HYDIN: variants seen among roughly 807,000 people sequenced by gnomAD.
HYDIN encodes the protein axonemal central pair apparatus protein HYDIN.
A neutral mutation model predicts 403.9 loss-of-function variants in HYDIN; 132 were observed. The observed-to-expected ratio is 0.33, with a 90% CI of 0.28 to 0.38. The LOEUF (loss-of-function observed/expected upper bound fraction) is 0.38. Among genes scored for constraint, HYDIN ranks in the 10% least tolerant of loss-of-function variants. The pLI, the probability that HYDIN is intolerant of heterozygous loss-of-function variation, is 1.00. For missense variants in HYDIN, 2,827 were observed against 5,009.5 expected (o/e 0.56, Z 13.15); for synonymous variants, 1,202 against 1,891.7 (o/e 0.64, Z 9.46).
At chr16:70,932,398 T>A (rs909317724) in intron 45 of HYDIN, among the ~76,000 whole-genome samples, 4 of 151,958 alleles carry the variant, frequency 2.6e-5, no homozygotes, top group African/African-American at 7.2e-5. Flanking sequence ...TACCCACACA[T>A]AAAACAAATA....
chr16:70,872,017 G>C lies in HYDIN; in HGVS notation c.11091+20C>G. 1 of 1,609,602 alleles carries C rather than the reference G, an allele frequency of 6.2e-7. No individual in the cohort carries two copies. The highest frequency in any genetic ancestry group is 1.7e-4 in the Middle Eastern group (1 of 6,048). The stretch of plus-strand genomic sequence containing the variant: ...TTAGGACTAAGGGATTCCAAAAAAT[G>C]ATGAATGACTTTTATTTACCTGTGG... On this transcript the variant is annotated intron_variant, in intron 65 of 85. Transcript: ENST00000393567.
chr16:71,215,957 G>A (rs188666093), intron 1 of HYDIN, among the ~76,000 whole-genome samples: 8 of 152,298 alleles, frequency 5.3e-5, no homozygotes, highest in African/African-American at 1.7e-4. Flanking sequence ...GGCAAAATCT[G>A]AGTCTGATAA....
intron 83 of HYDIN, among the ~76,000 whole-genome samples, chr16:70,819,974 ATTTTTT>A (rs56879257): frequency 8.1e-6 from 1 of 123,216 alleles, no homozygotes; most frequent in South Asian, 2.5e-4. Context: ...CGCCTGGCTA[ATTTTTT>A]TTTTTTTTTT....
chr16:70,819,103 C>T (rs1293762387), intron 83 of HYDIN, among the ~76,000 whole-genome samples: 2 of 150,904 alleles, frequency 1.3e-5, no homozygotes, highest in African/African-American at 2.5e-5. Flanking sequence ...TTAGTAGAGA[C>T]GGGGTTTCAT....
Position 71,194,131 on chromosome 16 carries a change from G to A in HYDIN, c.-23-7213C>T, listed in dbSNP as rs149956084. ...CCCAGTTTTAAAAAAATAATTTTTG[G>A]GCCGGGTGCAGTGGCTCGCGCCTGT... On this transcript the variant is annotated intron_variant, in intron 1 of 85. Coordinates refer to ENST00000393567, the MANE Select transcript of HYDIN (RefSeq NM_001270974.2). Among the ~76,000 whole-genome samples the A allele has an allele frequency of 3.0e-3, 452 of 152,214 alleles. 2 individuals are homozygous for A. Among genetic ancestry groups the A allele is most frequent in the African/African-American group, 0.01 (427 of 41,546 alleles).
chr16:70,803,616 A>G lies in HYDIN; in HGVS notation c.*3964T>C, dbSNP rs1230196449. ...ATGTAAAAGTTATGACATAACTTGT[A>G]GCAAGAGGCTGCTGATGACATTGTA... is the stretch of plus-strand genomic sequence containing the variant. On this transcript the variant is annotated 3_prime_UTR_variant, in exon 86 of 86. Coordinates refer to ENST00000393567, the MANE Select transcript of HYDIN (RefSeq NM_001270974.2). Among the ~76,000 whole-genome samples, 2 of 152,260 alleles carry G rather than the reference A, an allele frequency of 1.3e-5. No individual in the cohort carries two copies. The highest frequency in any genetic ancestry group is 4.8e-5 in the African/African-American group (2 of 41,476).
Position 70,901,003 on chromosome 16 carries a change from C to T in HYDIN, c.9048+1G>A. Reference sequence around the variant, plus strand: ...AAGTCTGTGGATGTGTGAAGCCTCACCTCCAACCGAATAGCCTTCTTGATG... The same window carrying T: ...AAGTCTGTGGATGTGTGAAGCCTCATCTCCAACCGAATAGCCTTCTTGATG... On this transcript the variant is annotated splice_donor_variant, in intron 53 of 85. Coordinates refer to ENST00000393567, the MANE Select transcript of HYDIN (RefSeq NM_001270974.2). LOFTEE classifies it high-confidence loss of function. The T allele has an allele frequency of 1.7e-6, 1 of 598,084 alleles. No individual in the cohort carries two copies. Among genetic ancestry groups the T allele is most frequent in the Non-Finnish European group, 2.9e-6 (1 of 339,662 alleles). 37.0% of individuals were successfully genotyped at this position (598,084 alleles called of 1,614,324 possible). A position where few individuals can be genotyped will look rare whatever the true frequency, so the allele number is the denominator to read the frequency against.
chr16:71,199,936 A>G (rs117427011), intron 1 of HYDIN, among the ~76,000 whole-genome samples: 7,877 of 152,286 alleles, frequency 0.052, 272 homozygotes, highest in Non-Finnish European at 0.071. Context: ...CAGTTAAGGC[A>G]GTCTAAGTCA....
At chr16:71,140,148 CT>C (rs140626114) in intron 7 of HYDIN, among the ~76,000 whole-genome samples, 23,688 of 98,212 alleles carry the variant, frequency 0.24, 3,752 homozygotes, top group Non-Finnish European at 0.36. Flanking sequence ...AATTTTCCAG[CT>C]TTTTTTTGTC....
intron 23 of HYDIN, among the ~76,000 whole-genome samples, chr16:71,017,204 G>C (rs2080290877): frequency 6.7e-6 from 1 of 149,114 alleles, no homozygotes; most frequent in East Asian, 2.0e-4. Context: ...AAAAAAAATT[G>C]CCAGGCGTGG....
chr16:71,177,786 A>G (rs1254771829), intron 4 of HYDIN, among the ~76,000 whole-genome samples: 1 of 152,168 alleles, frequency 6.6e-6, no homozygotes. Context: ...TTCACACTCA[A>G]GTATGCTTCA....
intron 47 of HYDIN, among the ~76,000 whole-genome samples, chr16:70,915,071 T>C (rs1459743546): frequency 1.3e-5 from 2 of 151,784 alleles, no homozygotes; most frequent in Non-Finnish European, 2.9e-5. Flanking sequence ...TTTCTGGAAC[T>C]GGGCTTCACC....
chr16:70,978,719 C>A (rs1274283563), intron 30 of HYDIN, among the ~76,000 whole-genome samples, 195 bp downstream of exon 30: 3 of 152,184 alleles, frequency 2.0e-5, no homozygotes, highest in Non-Finnish European at 4.4e-5. Context: ...CTTCCTGATT[C>A]TTTGCCTTAT....
At chr16:70,848,405 T>C (rs1275721294) in intron 75 of HYDIN, among the ~76,000 whole-genome samples, 1 of 151,886 alleles carries the variant, frequency 6.6e-6, no homozygotes, top group Non-Finnish European at 1.5e-5. Context: ...TCATGGCTCA[T>C]ATTTTTTTAG....
In HYDIN at chr16:70,834,170, T is replaced by A. The variant is rs1567676003; in HGVS notation, c.13402-6A>T. ...AAGGGCGCCAGGGTAAGGACCTGAATGAAATAGCACCCAGAGTCAGCAGCT... is the reference window on the plus strand; with the variant it reads ...AAGGGCGCCAGGGTAAGGACCTGAAAGAAATAGCACCCAGAGTCAGCAGCT... On this transcript the variant is annotated splice_polypyrimidine_tract_variant and splice_region_variant and intron_variant, in intron 78 of 85. Coordinates refer to ENST00000393567, the MANE Select transcript of HYDIN (RefSeq NM_001270974.2). 1.2e-6 allele frequency: 2 copies of A among 1,613,756 alleles called. No individual in the cohort carries two copies. The highest frequency in any genetic ancestry group is 2.2e-5 in the South Asian group (2 of 91,056).
intron 11 of HYDIN, among the ~76,000 whole-genome samples, chr16:71,093,302 A>C (rs1249101466): frequency 6.6e-6 from 1 of 152,216 alleles, no homozygotes; most frequent in African/African-American, 2.4e-5. Context: ...TTCATTTTCT[A>C]ATTAATTGGA....
chr16:70,967,167 G>T (rs2078603013), intron 36 of HYDIN, among the ~76,000 whole-genome samples: 1 of 150,658 alleles, frequency 6.6e-6, no homozygotes, highest in Non-Finnish European at 1.5e-5. Context: ...AGGGCAGCAG[G>T]GTGGGAGCAT....
At chr16:71,179,544 T>A (rs969387020) in intron 3 of HYDIN, among the ~76,000 whole-genome samples, 1 of 152,056 alleles carries the variant, frequency 6.6e-6, no homozygotes, top group African/African-American at 2.4e-5. Context: ...GAAAGGAGAA[T>A]AATAAAGGGG....
Position 71,178,991 on chromosome 16 carries a change from T to C in HYDIN, c.318A>G (p.Ile106Met), listed in dbSNP as rs765635631. The change falls in exon 4 of 86, where the codon ATA becomes ATG. Residue 106 changes from isoleucine to methionine, a missense_variant. By Grantham distance (10) the Ile-to-Met change is conservative. Coordinates refer to ENST00000393567, the MANE Select transcript of HYDIN (RefSeq NM_001270974.2). ...ALFQPFPSEI[I>M]FQNYTPCEVY... Reference sequence around the variant, plus strand: ...CTTCACAGGGAGTGTAGTTCTGAAATATAATTTCTGATGGAAAGGGCTGGA... The same window carrying C: ...CTTCACAGGGAGTGTAGTTCTGAAACATAATTTCTGATGGAAAGGGCTGGA... 26 of 1,612,200 alleles carry C rather than the reference T, an allele frequency of 1.6e-5. No homozygotes were observed. Among genetic ancestry groups the C allele is most frequent in the Admixed American group, 3.3e-5 (2 of 59,932 alleles).
Sources: allele counts gnomAD v4.1 joint callset (sites outside exome capture counted in the v4.1 genomes callset), GRCh38; gene constraint gnomAD v4.1.1; transcripts MANE v1.5; gene names NCBI Gene and HGNC (gene_info 2026-07-23, HGNC 2026-07-21).